The following ZFYVE26 variants were observed in gnomAD, a reference collection of about 807,000 sequenced individuals.
ZFYVE26 encodes zinc finger FYVE domain-containing protein 26.
A neutral mutation model predicts 276.5 loss-of-function variants in ZFYVE26; 181 were observed. The observed-to-expected ratio is 0.65, with a 90% CI of 0.58 to 0.74. ZFYVE26 has a LOEUF of 0.74. Ranked by LOEUF, ZFYVE26 falls within the 30% of genes least tolerant of loss-of-function variation. The pLI, the probability that ZFYVE26 is intolerant of heterozygous loss-of-function variation, is 0.00. For missense variants in ZFYVE26, 2,821 were observed against 3,097.9 expected (o/e 0.91, Z 2.12); for synonymous variants, 1,129 against 1,203.1 (o/e 0.94, Z 1.27).
chr14:67,780,698 T>C (rs540723268), intron 22 of ZFYVE26, among the ~76,000 whole-genome samples: 2 of 152,308 alleles, frequency 1.3e-5, no homozygotes, highest in Non-Finnish European at 2.9e-5. Flanking sequence ...CTCTGTGGGA[T>C]CACCTTTCAT....
Position 67,766,446 on chromosome 14 carries a change from G to T in ZFYVE26, c.5792C>A (p.Ala1931Asp). Residue 1931 changes from alanine (A) to aspartate (D), a missense_variant and splice_region_variant, in exon 32 of 42, where the codon GCC (alanine) becomes GAC (aspartate). Transcript: ENST00000347230. ...LVRSEFYYEQ[A>D]PSASLCIAIL... ...GGCAATGCACAAGGAGGCGCTGGGG[G>T]CCTGGCCGGGGTGGAAGAAGGGAGA... is the stretch of plus-strand genomic sequence containing the variant. 3.7e-6 allele frequency: 6 copies of T among 1,612,090 alleles called. No homozygotes were observed. The highest frequency in any genetic ancestry group is 4.2e-6 in the Non-Finnish European group (5 of 1,179,880).
rs2039379085 is a variant in ZFYVE26 at position 67,777,607 on chromosome 14, C to G, written c.4926G>C (p.Leu1642=). 1 of 1,614,108 alleles carries G rather than the reference C, an allele frequency of 6.2e-7. No homozygotes were observed. The highest frequency in any genetic ancestry group is 8.5e-7 in the Non-Finnish European group (1 of 1,180,032). ...NYLTTHFYGQ[L]TAVRHREIQA... ...GGATTTCACGGTGTCGGACAGCAGT[C>G]AGTTGTCCATAGAAGTGGGTGGTGA... is the stretch of plus-strand genomic sequence containing the variant. The change falls in exon 25 of 42, where the codon CTG becomes CTC. Residue 1642 remains leucine (L), a synonymous_variant. Transcript: ENST00000347230.
Position 67,762,324 on chromosome 14 carries a change from C to T in ZFYVE26, c.6248G>A (p.Arg2083Gln), listed in dbSNP as rs1296916391. The T allele has an allele frequency of 9.3e-6, 15 of 1,614,062 alleles. No homozygotes were observed. Among genetic ancestry groups the T allele is most frequent in the South Asian group, 3.3e-5 (3 of 91,090 alleles). ...CLKAGNLTAA[R>Q]EKFSRCLKPP... is the part of the protein sequence containing the mutation. ...CTTCAGACAGCGACTGAACTTCTCC[C>T]GTGCAGCAGTGAGGTTCCCGGCTTT... The change falls in exon 34 of 42, where the codon CGG becomes CAG. Residue 2083 changes from arginine to glutamine, a missense_variant. Arg to Gln is a conservative substitution (Grantham distance 43). Coordinates refer to ENST00000347230, the MANE Select transcript of ZFYVE26 (RefSeq NM_015346.4).
At chr14:67,740,899 A>G (rs1394366002) in intron 13 of ZFYVE26, among the ~76,000 whole-genome samples, 1 of 150,426 alleles carries the variant, frequency 6.6e-6, no homozygotes, top group African/African-American at 2.4e-5. Flanking sequence ...ACAGAGTAAG[A>G]CTCTGTCTCA....
In ZFYVE26 at chr14:67,754,061, C is replaced by T. The variant is rs2140182981; in HGVS notation, c.7128+10G>A. On this transcript the variant is annotated intron_variant, in intron 38 of 41. Transcript: ENST00000347230. The stretch of plus-strand genomic sequence containing the variant: ...AATAGTCTGCCAGAGGTCTGAAACG[C>T]TGCATGTACCTTGCAGGCAACATCC... 2.5e-6 allele frequency: 4 copies of T among 1,614,238 alleles called. No homozygotes were observed. The highest frequency in any genetic ancestry group is 3.4e-6 in the Non-Finnish European group (4 of 1,180,040).
intron 10 of ZFYVE26, chr14:67,799,176 A>G: frequency 6.3e-7 from 1 of 1,589,534 alleles, no homozygotes; most frequent in Non-Finnish European, 8.6e-7. Context: ...CAAGCTTTTG[A>G]AAAGACATAC....
At chr14:67,759,622 CAAA>C (rs10687512) in intron 35 of ZFYVE26, among the ~76,000 whole-genome samples, 1 of 107,044 alleles carries the variant, frequency 9.3e-6, no homozygotes, top group Non-Finnish European at 1.8e-5. Flanking sequence ...GACTCTGGCT[CAAA>C]AAAAAAAAAA....
At chr14:67,795,405 C>T (rs2039930954) in intron 12 of ZFYVE26, among the ~76,000 whole-genome samples, 1 of 152,236 alleles carries the variant, frequency 6.6e-6, no homozygotes, top group African/African-American at 2.4e-5. Flanking sequence ...AGAGTCAACT[C>T]CTTCATGAAA....
Position 67,783,106 on chromosome 14 carries a change from G to A in ZFYVE26, c.4046C>T (p.Ala1349Val), listed in dbSNP as rs747242202. ...CTCACACTCCCGGGCTACCTGCTCT[G>A]CAGCCAGAGGCACCTCCCTGCGGCC... The part of the protein sequence containing the change: ...LRGRREVPLA[A>V]EQVARECERL... Residue 1349 changes from alanine (A) to valine (V), a missense_variant, in exon 21 of 42, where the codon GCA (alanine) becomes GTA (valine). Ala to Val is a moderately conservative substitution (Grantham distance 64). Transcript: ENST00000347230. 4 of 1,611,064 alleles carry A rather than the reference G, an allele frequency of 2.5e-6. No individual in the cohort carries two copies. The East Asian group carries it at 8.9e-5, about 36-fold the overall frequency.
At chr14:67,762,453 T>A in intron 33 of ZFYVE26, 41 bp from the exon 34 acceptor site, 6 of 1,589,880 alleles carry the variant, frequency 3.8e-6, no homozygotes, top group Non-Finnish European at 5.1e-6. Flanking sequence ...GGTAGCTACA[T>A]TCAGGCCTAA....
rs1250957786 is a variant in ZFYVE26, at chr14:67,759,068, T to C, written c.6588+2298A>G. On this transcript the variant is annotated intron_variant, in intron 35 of 41. Transcript: ENST00000347230. ...TCCTGGCTAACATGGTGAAACCCCG[T>C]CTCTACTAAAAAAAAAAATAGAAAA... is the stretch of plus-strand genomic sequence containing the variant. 3.3e-5 allele frequency among the ~76,000 whole-genome samples: 5 copies of C among 149,692 alleles called. No homozygotes were observed. In the South Asian group the frequency reaches 1.0e-3, roughly 31 times the overall value.
At chr14:67,755,545 T>G (rs1170365772) in intron 36 of ZFYVE26, among the ~76,000 whole-genome samples, 1 of 152,212 alleles carries the variant, frequency 6.6e-6, no homozygotes, top group African/African-American at 2.4e-5. Flanking sequence ...CATTAAATAA[T>G]TCAATTTAGT....
rs879053805 is a variant in ZFYVE26, at chr14:67,783,639, C to T, written c.3627-114G>A. On this transcript the variant is annotated intron_variant, in intron 20 of 41. Transcript: ENST00000347230. ...AATGTAAATAAAAGTTCCTAATTGTCACACTCTTTTTTTAAAACACAAAAA... is the reference window on the plus strand; with the variant it reads ...AATGTAAATAAAAGTTCCTAATTGTTACACTCTTTTTTTAAAACACAAAAA... The T allele has an allele frequency of 7.9e-6, 11 of 1,384,496 alleles. No homozygotes were observed. In the Admixed American group the frequency reaches 1.9e-4, roughly 24 times the overall value. 85.8% of individuals were successfully genotyped at this position (1,384,496 alleles called of 1,614,324 possible). A position where few individuals can be genotyped will look rare whatever the true frequency, so the allele number is the denominator to read the frequency against.
chr14:67,740,487 T>C (rs2038404335), intron 13 of ZFYVE26, among the ~76,000 whole-genome samples: 1 of 152,164 alleles, frequency 6.6e-6, no homozygotes, highest in African/African-American at 2.4e-5. Flanking sequence ...TTTTTGAAAA[T>C]TTAGTTAATT....
At chr14:67,811,818 T>G (rs1177120206) in intron 3 of ZFYVE26, among the ~76,000 whole-genome samples, 2 of 148,220 alleles carry the variant, frequency 1.3e-5, no homozygotes, top group African/African-American at 2.5e-5. Flanking sequence ...CAAATTTAAT[T>G]GGTGTATTTA....
intron 28 of ZFYVE26, 113 bp from the exon 29 acceptor site, chr14:67,769,843 A>G: frequency 7.0e-7 from 1 of 1,428,386 alleles, no homozygotes; most frequent in South Asian, 1.2e-5. Context: ...TAAGAACACC[A>G]ACTGCTTGGG....
At chr14:67,762,467 T>C (rs2038958830) in intron 33 of ZFYVE26, 55 bp from the exon 34 acceptor site, 2 of 1,571,166 alleles carry the variant, frequency 1.3e-6, no homozygotes, top group African/African-American at 1.3e-5. Flanking sequence ...GGCCTAAATG[T>C]CCCAAAGACC....
At position 67,775,591 on chromosome 14, in the gene ZFYVE26, C is replaced by T. The variant is rs73278443; in HGVS notation, c.5221+269G>A. Among the ~76,000 whole-genome samples, 1,280 of 152,318 alleles carry T rather than the reference C, an allele frequency of 8.4e-3. 16 individuals carry two copies. Among genetic ancestry groups the T allele is most frequent in the African/African-American group, 0.03 (1,240 of 41,566 alleles). On this transcript the variant is annotated intron_variant, in intron 26 of 41. Transcript: ENST00000347230. ...AAGAGCCCGCTATATCAAGGCCAGA[C>T]AGAGACCATTTCCAGCATATTTTGC...
At chr14:67,733,989 T>A in intron 13 of ZFYVE26, 1 of 642,670 alleles carries the variant, frequency 1.6e-6, no homozygotes, top group South Asian at 1.5e-5. Flanking sequence ...TTGACCCTTC[T>A]GGGAATGTTT....
Sources: gnomAD v4.1 joint callset for allele counts (sites outside exome capture counted in the v4.1 genomes callset) on GRCh38, gnomAD v4.1.1 for gene constraint, MANE v1.5 for transcripts, NCBI Gene and HGNC (gene_info 2026-07-23, HGNC 2026-07-21) for gene names.